Variants in ARMC9 observed in about 807,000 individuals in gnomAD.
ARMC9 encodes lisH domain-containing protein ARMC9.
A neutral mutation model predicts 107.0 loss-of-function variants in ARMC9; 94 were observed. The ratio of observed to expected loss-of-function variants is 0.88; its 90% CI spans 0.74 to 1.04. The LOEUF is 1.04. ARMC9 is among the 50% of genes least tolerant of loss of function. The pLI is 0.00. For missense variants in ARMC9, 942 were observed against 1,030.1 expected (o/e 0.91, Z 1.17); for synonymous variants, 380 against 396.9 (o/e 0.96, Z 0.51).
At chr2:231,262,623 C>G (rs950760220) in intron 12 of ARMC9, among the ~76,000 whole-genome samples, 1 of 152,084 alleles carries the variant, frequency 6.6e-6, no homozygotes, top group Admixed American at 6.6e-5. Context: ...TCTTTTCTGC[C>G]GTTTTTCCTT....
At chr2:231,309,788 G>A (rs2042235628) in intron 19 of ARMC9, among the ~76,000 whole-genome samples, 1 of 151,936 alleles carries the variant, frequency 6.6e-6, no homozygotes. Flanking sequence ...CAAAACTGAT[G>A]TTTATGCTGA....
intron 23 of ARMC9, among the ~76,000 whole-genome samples, chr2:231,361,169 C>T (rs910352201): frequency 6.6e-6 from 1 of 152,174 alleles, no homozygotes; most frequent in African/African-American, 2.4e-5. Context: ...CGGACTTGTC[C>T]AGGGCTGGGT....
intron 19 of ARMC9, among the ~76,000 whole-genome samples, chr2:231,321,678 C>T (rs149638766): frequency 8.5e-5 from 13 of 152,132 alleles, no homozygotes; most frequent in Admixed American, 7.2e-4. Flanking sequence ...CTTTTGTTCC[C>T]CTTTGCCCGT....
intron 19 of ARMC9, among the ~76,000 whole-genome samples, chr2:231,325,550 G>A (rs1453842450): frequency 1.3e-5 from 2 of 152,084 alleles, no homozygotes; most frequent in Non-Finnish European, 2.9e-5. Context: ...GGCCTCTGAG[G>A]CTCTGTCCCC....
chr2:231,216,616 C>T, intron 4 of ARMC9, 22 bp from the exon 5 acceptor site: 6 of 1,609,878 alleles, frequency 3.7e-6, no homozygotes, highest in Non-Finnish European at 5.1e-6. Flanking sequence ...AGACCTCAAA[C>T]AAGTGTTTTC....
At chr2:231,229,119 G>A (rs1440320189) in intron 7 of ARMC9, among the ~76,000 whole-genome samples, 1 of 151,960 alleles carries the variant, frequency 6.6e-6, no homozygotes, top group South Asian at 2.1e-4. Flanking sequence ...CTGTGGATTT[G>A]AGTCTGGCAA....
intron 17 of ARMC9, among the ~76,000 whole-genome samples, chr2:231,290,343 C>G (rs1471457740): frequency 6.6e-6 from 1 of 152,182 alleles, no homozygotes; most frequent in East Asian, 1.9e-4. Context: ...TTCTTTAATT[C>G]AGTTAGAGCT....
intron 14 of ARMC9, among the ~76,000 whole-genome samples, chr2:231,275,468 T>G (rs1035067420): frequency 2.0e-5 from 3 of 152,240 alleles, no homozygotes; most frequent in Non-Finnish European, 4.4e-5. Context: ...TTGGATTTTG[T>G]AAGATTCTAC....
chr2:231,297,070 A>T lies in ARMC9; in HGVS notation c.1773+817A>T, dbSNP rs1259028821. 3.3e-5 allele frequency among the ~76,000 whole-genome samples: 5 copies of T among 152,184 alleles called. No homozygotes were observed. The highest frequency in any genetic ancestry group is 7.4e-5 in the Non-Finnish European group (5 of 68,018). On this transcript the variant is annotated intron_variant, in intron 19 of 24. Transcript: ENST00000611582. The surrounding 1 kb of genome is among the most constrained non-coding windows in gnomAD (Gnocchi z 4.2). The stretch of plus-strand genomic sequence containing the variant: ...TGGCCTATCAGCTTGTAAAATGTGT[A>T]AAAGCCAGGTTTTTGATCACTGATG...
chr2:231,306,790 A>C (rs1266849080), intron 19 of ARMC9, among the ~76,000 whole-genome samples: 1 of 152,242 alleles, frequency 6.6e-6, no homozygotes, highest in East Asian at 1.9e-4. Flanking sequence ...GGAGACAATA[A>C]GAAACAACAT....
intron 21 of ARMC9, among the ~76,000 whole-genome samples, chr2:231,345,644 A>G (rs73994576): frequency 0.013 from 2,000 of 152,276 alleles, 47 homozygotes; most frequent in African/African-American, 0.045. Flanking sequence ...CTTGTGGGCT[A>G]AGGAGCCCCA....
At chr2:231,314,822 A>T (rs983292302) in intron 19 of ARMC9, among the ~76,000 whole-genome samples, 15 of 152,184 alleles carry the variant, frequency 9.9e-5, no homozygotes, top group Non-Finnish European at 2.1e-4. Flanking sequence ...TTTTTAGTTA[A>T]TTTTTGTGTG....
At chr2:231,233,097 C>T (rs2035392219) in intron 7 of ARMC9, among the ~76,000 whole-genome samples, 1 of 151,840 alleles carries the variant, frequency 6.6e-6, no homozygotes, top group Non-Finnish European at 1.5e-5. Context: ...GTGATCCACC[C>T]GCCTTAGCCT....
At chr2:231,314,266 A>T (rs978654192) in intron 19 of ARMC9, among the ~76,000 whole-genome samples, 3 of 151,568 alleles carry the variant, frequency 2.0e-5, no homozygotes, top group African/African-American at 7.3e-5. Context: ...TTTAGTAGAG[A>T]TGGGGTTTCA....
chr2:231,256,395 C>T (rs139169402), intron 9 of ARMC9, 191 bp from the exon 10 acceptor site: 29 of 1,222,260 alleles, frequency 2.4e-5, no homozygotes, highest in East Asian at 2.3e-4. Flanking sequence ...TTTTTTTGTC[C>T]GCCACACGGA....
intron 14 of ARMC9, among the ~76,000 whole-genome samples, chr2:231,276,004 T>A (rs1237412348): frequency 6.6e-6 from 1 of 152,058 alleles, no homozygotes. Flanking sequence ...TCTATGGTCC[T>A]GTTTCCTGGG....
intron 19 of ARMC9, among the ~76,000 whole-genome samples, chr2:231,312,525 G>A (rs2042412203): frequency 2.0e-5 from 3 of 152,244 alleles, no homozygotes; most frequent in Admixed American, 1.3e-4. Flanking sequence ...GTCTGCTACA[G>A]GGAGATTCTT....
intron 12 of ARMC9, among the ~76,000 whole-genome samples, chr2:231,263,633 G>T (rs772439758): frequency 6.6e-6 from 1 of 152,228 alleles, no homozygotes; most frequent in African/African-American, 2.4e-5. Flanking sequence ...GCAACAGACC[G>T]TGGGAAAGTG....
intron 19 of ARMC9, among the ~76,000 whole-genome samples, chr2:231,322,566 G>T (rs951211091): frequency 6.6e-6 from 1 of 152,156 alleles, no homozygotes; most frequent in Admixed American, 6.5e-5. Context: ...CAGGCCAGTT[G>T]CTTAGAATCT....
Sources: allele counts gnomAD v4.1 joint callset (sites outside exome capture counted in the v4.1 genomes callset), GRCh38; gene constraint gnomAD v4.1.1; non-coding constraint Gnocchi (gnomAD v3.1); transcripts MANE v1.5; gene names NCBI Gene and HGNC (gene_info 2026-07-23, HGNC 2026-07-21).